The following ZFHX3 variants were observed in gnomAD, a reference collection of about 807,000 sequenced individuals.
ZFHX3 encodes the protein zinc finger homeobox 3, also known as zinc finger homeobox protein 3.
ZFHX3 carries 42 observed loss-of-function variants against 279.1 expected under a neutral mutation model. The ratio of observed to expected loss-of-function variants is 0.15; its 90% CI spans 0.12 to 0.19. The LOEUF (loss-of-function observed/expected upper bound fraction) is 0.19, where lower values mean the gene tolerates loss of function less well. ZFHX3 is among the 10% of genes least tolerant of loss of function. The probability of loss-of-function intolerance (pLI) is 1.00; values close to 1 mark genes in which losing one functional copy is unlikely to be tolerated. For synonymous variants in ZFHX3, 2,293 were observed against 1,957.8 expected, an observed-to-expected ratio of 1.17 and a Z score of -4.52; for missense variants, 4,981 against 4,754.0, an observed-to-expected ratio of 1.05 and a Z score of -1.40.
intron 2 of ZFHX3, among the ~76,000 whole-genome samples, chr16:73,545,793 TAAAAAAAA>T (rs5817852): frequency 1.4e-5 from 2 of 140,816 alleles, no homozygotes; most frequent in African/African-American, 5.2e-5. Context: ...CTGCTGAAAT[TAAAAAAAA>T]AAAAAAAAGT....
intron 2 of ZFHX3, among the ~76,000 whole-genome samples, chr16:73,676,444 G>C (rs1445966113): frequency 3.3e-5 from 5 of 151,718 alleles, no homozygotes; most frequent in Admixed American, 6.6e-5. Flanking sequence ...GAGATATAGA[G>C]ATTAAATAAT....
At position 72,787,735 on chromosome 16, in the gene ZFHX3, C is replaced by G. The variant is rs747120521; in HGVS notation, c.10541G>C (p.Gly3514Ala). 13 of 1,400,218 alleles carry G rather than the reference C, an allele frequency of 9.3e-6. No individual in the cohort carries two copies. Among genetic ancestry groups the G allele is most frequent in the Non-Finnish European group, 1.0e-5 (11 of 1,072,126 alleles). The allele number at this position is 1,400,218 out of a possible 1,614,324, so 86.7% of individuals were successfully genotyped here. ...VPTGGGGGGSGGGGGGGGGGG... is the reference protein window; with the variant it reads ...VPTGGGGGGSAGGGGGGGGGG... ...GCCGCCGCCACCGCCGCCGCCGCCG[C>G]CACTGCCACCGCCGCCGCCGCCGGT... The change falls in exon 10 of 10, where the codon GGC becomes GCC. Residue 3514 changes from glycine (G) to alanine (A), a missense_variant. Physicochemically the swap from Gly to Ala is moderately conservative, Grantham distance 60. Transcript: ENST00000268489.
intron 5 of ZFHX3, among the ~76,000 whole-genome samples, chr16:73,235,067 C>A (rs983279396): frequency 2.0e-5 from 3 of 152,158 alleles, no homozygotes; most frequent in Admixed American, 2.0e-4. Flanking sequence ...CTTTTTCTTT[C>A]TTTATTTATT....
At chr16:73,641,807 G>C (rs2052575363) in intron 2 of ZFHX3, among the ~76,000 whole-genome samples, 1 of 152,090 alleles carries the variant, frequency 6.6e-6, no homozygotes, top group South Asian at 2.1e-4. Flanking sequence ...GTAATCATAA[G>C]CCTTTTAGTA....
chr16:73,499,216 C>A (rs545192684), intron 2 of ZFHX3: 1 of 152,278 alleles, frequency 6.6e-6, no homozygotes, highest in Admixed American at 6.5e-5. Flanking sequence ...GGGTCACAGA[C>A]AACAAAAGAC....
chr16:73,806,268 C>A (rs187560357), intron 1 of ZFHX3, among the ~76,000 whole-genome samples: 3 of 152,266 alleles, frequency 2.0e-5, no homozygotes, highest in African/African-American at 7.2e-5. Flanking sequence ...CATACCAGAG[C>A]ACATCTGGAG....
intron 4 of ZFHX3, among the ~76,000 whole-genome samples, chr16:72,886,717 T>C (rs1291656893): frequency 6.6e-6 from 1 of 151,974 alleles, no homozygotes; most frequent in African/African-American, 2.4e-5. Flanking sequence ...GGTGTGTTGG[T>C]AGAAAGAAGG....
intron 1 of ZFHX3, among the ~76,000 whole-genome samples, chr16:73,026,353 G>A (rs929318420): frequency 4.6e-5 from 7 of 151,800 alleles, no homozygotes; most frequent in Non-Finnish European, 7.4e-5. Context: ...AGGCTGGGGG[G>A]CAGAGCAAGA....
chr16:73,794,211 TCAC>T (rs768111917), intron 1 of ZFHX3: 2 of 152,194 alleles, frequency 1.3e-5, no homozygotes, highest in Non-Finnish European at 2.9e-5. Flanking sequence ...GCTCCCTCGG[TCAC>T]CACAAGCTAC....
At chr16:73,351,428 C>T (rs777706477) in intron 3 of ZFHX3, among the ~76,000 whole-genome samples, 6 of 152,196 alleles carry the variant, frequency 3.9e-5, no homozygotes, top group Non-Finnish European at 8.8e-5. Context: ...CACGGCGGCC[C>T]CTGCATTTAA....
intron 7 of ZFHX3, among the ~76,000 whole-genome samples, chr16:73,113,375 G>A (rs1388255854): frequency 6.6e-6 from 1 of 152,138 alleles, no homozygotes; most frequent in East Asian, 1.9e-4. Context: ...TTAGCAAAAG[G>A]CCTGAGGAAG....
At position 73,057,759 on chromosome 16, in the gene ZFHX3, G is replaced by A. The variant is rs533701658; in HGVS notation, c.-24+771C>T. 2.0e-5 allele frequency among the ~76,000 whole-genome samples: 3 copies of A among 151,396 alleles called. No individual in the cohort carries two copies. The South Asian group carries it at 6.2e-4, about 31-fold the overall frequency. ...GCAGGGCGGAGAGCGCACAGGTAGAGGATCGCGCGGCCGCCTCGCCCCCTC... is the reference window on the plus strand; with the variant it reads ...GCAGGGCGGAGAGCGCACAGGTAGAAGATCGCGCGGCCGCCTCGCCCCCTC... On this transcript the variant is annotated intron_variant, in intron 1 of 8. Coordinates refer to the ZFHX3 transcript ENST00000397992.
intron 7 of ZFHX3, chr16:73,127,740 G>A: frequency 1.5e-6 from 1 of 685,040 alleles, no homozygotes; most frequent in Admixed American, 3.7e-5. Context: ...TGCAGAGAAA[G>A]TTGGACAATG....
intron 3 of ZFHX3, among the ~76,000 whole-genome samples, chr16:72,920,182 T>TA (rs200905266): frequency 5.3e-5 from 8 of 150,870 alleles, no homozygotes; most frequent in Middle Eastern, 6.8e-3. Context: ...TTTGCCAACT[T>TA]AAAAAAAAAT....
chr16:73,863,133 G>A (rs1018098893), intron 1 of ZFHX3, among the ~76,000 whole-genome samples: 1 of 152,202 alleles, frequency 6.6e-6, no homozygotes, highest in Non-Finnish European at 1.5e-5. Context: ...TTGAACCCGG[G>A]AGGCGGAGGT....
At chr16:73,533,570 T>A (rs1244748555) in intron 2 of ZFHX3, among the ~76,000 whole-genome samples, 1 of 151,988 alleles carries the variant, frequency 6.6e-6, no homozygotes. Flanking sequence ...TTTGTATGCC[T>A]AGCTCAGACG....
chr16:73,146,690 T>A (rs1278042785), intron 5 of ZFHX3, among the ~76,000 whole-genome samples: 1 of 152,086 alleles, frequency 6.6e-6, no homozygotes, highest in South Asian at 2.1e-4. Flanking sequence ...TTTGAGACAG[T>A]GTTTTGCTCT....
At chr16:73,275,102 C>G (rs2143039697) in intron 4 of ZFHX3, among the ~76,000 whole-genome samples, 1 of 152,296 alleles carries the variant, frequency 6.6e-6, no homozygotes, top group African/African-American at 2.4e-5. Flanking sequence ...TGTGCAGTAG[C>G]CCGATTCCAG....
intron 3 of ZFHX3, among the ~76,000 whole-genome samples, chr16:73,343,496 G>A (rs1050868976): frequency 2.0e-5 from 3 of 152,172 alleles, no homozygotes; most frequent in African/African-American, 7.2e-5. Context: ...AGGCCGAGGT[G>A]GGAGGAATGC....
Sources: gnomAD v4.1 joint callset for allele counts (sites outside exome capture counted in the v4.1 genomes callset) on GRCh38, gnomAD v4.1.1 for gene constraint, MANE v1.5 for transcripts, NCBI Gene and HGNC (gene_info 2026-07-23, HGNC 2026-07-21) for gene names.